INVS: variants seen among roughly 807,000 people sequenced by gnomAD.
The protein encoded by INVS is inversion of embryo turning homolog.
In INVS, 86 loss-of-function variants were observed where a neutral mutation model predicts 108.8. The observed-to-expected ratio is 0.79, with a 90% CI of 0.66 to 0.95. The LOEUF is 0.95. INVS is among the 40% of genes least tolerant of loss of function. INVS has a pLI of 0.00. For missense variants in INVS, 1,169 were observed against 1,297.4 expected, an observed-to-expected ratio of 0.90 and a Z score of 1.52; for synonymous variants, 455 against 473.5, an observed-to-expected ratio of 0.96 and a Z score of 0.51.
intron 13 of INVS, among the ~76,000 whole-genome samples, chr9:100,288,054 G>A (rs1273584120): frequency 6.6e-6 from 1 of 152,180 alleles, no homozygotes; most frequent in Non-Finnish European, 1.5e-5. Context: ...AAAAGAGGGT[G>A]GAATAGGAGG....
chr9:100,179,301 A>G (rs1388563681), intron 3 of INVS, among the ~76,000 whole-genome samples: 1 of 152,222 alleles, frequency 6.6e-6, no homozygotes, highest in Non-Finnish European at 1.5e-5. Context: ...TTAACCTTAA[A>G]TGTAAATGGT....
intron 3 of INVS, among the ~76,000 whole-genome samples, chr9:100,213,114 GA>G (rs1233877122): frequency 6.7e-6 from 1 of 150,210 alleles, no homozygotes; most frequent in Non-Finnish European, 1.5e-5. Flanking sequence ...TCCCATTTAT[GA>G]GCTCCACCCT....
At chr9:100,140,054 C>T (rs1240313089) in intron 3 of INVS, among the ~76,000 whole-genome samples, 2 of 152,162 alleles carry the variant, frequency 1.3e-5, no homozygotes, top group Non-Finnish European at 2.9e-5. Context: ...CAAGTAAAAC[C>T]ACTTATCCAT....
chr9:100,190,582 G>C (rs2118153421), intron 3 of INVS, among the ~76,000 whole-genome samples: 1 of 152,156 alleles, frequency 6.6e-6, no homozygotes, highest in South Asian at 2.1e-4. Flanking sequence ...CTCAGTATTT[G>C]CTCATCCGAA....
At position 100,264,908 on chromosome 9, in the gene INVS, G is replaced by T; in HGVS notation, c.1551G>T (p.Gln517His). ...TAGACTTTGCTGCTTTCCCTAATCAGATGGAAAACAATGAAGAGAGGTAAG... is the reference window on the plus strand; with the variant it reads ...TAGACTTTGCTGCTTTCCCTAATCATATGGAAAACAATGAAGAGAGGTAAG... ...LLLDFAAFPNQMENNEERYTP... is the reference protein window; with the variant it reads ...LLLDFAAFPNHMENNEERYTP... The change falls in exon 11 of 17, where the codon CAG (glutamine) becomes CAT (histidine). Residue 517 changes from glutamine to histidine, a missense_variant. Transcript: ENST00000262457. The T allele has an allele frequency of 6.2e-7, 1 of 1,606,174 alleles. No homozygotes were observed. The highest frequency in any genetic ancestry group is 1.1e-5 in the South Asian group (1 of 90,960).
chr9:100,185,789 T>C (rs1830040133), intron 3 of INVS, among the ~76,000 whole-genome samples: 1 of 152,042 alleles, frequency 6.6e-6, no homozygotes, highest in African/African-American at 2.4e-5. Context: ...CACTTATAAG[T>C]GAGAACATAC....
intron 3 of INVS, chr9:100,176,184 T>C: frequency 2.8e-6 from 1 of 352,478 alleles, no homozygotes; most frequent in Non-Finnish European, 5.5e-6. Flanking sequence ...TATCTTTGTT[T>C]CCTTTATGCC....
intron 3 of INVS, among the ~76,000 whole-genome samples, chr9:100,182,255 A>T (rs1433573290): frequency 6.6e-6 from 1 of 152,240 alleles, no homozygotes; most frequent in Non-Finnish European, 1.5e-5. Flanking sequence ...AAAAGCCAAA[A>T]TTGACAAGTG....
intron 11 of INVS, among the ~76,000 whole-genome samples, chr9:100,270,962 G>A (rs1034093264): frequency 1.3e-5 from 2 of 150,738 alleles, no homozygotes; most frequent in Non-Finnish European, 3.0e-5. Flanking sequence ...GCCGAAAACA[G>A]CACACCTAGA....
At chr9:100,110,383 T>C (rs1827305745) in intron 2 of INVS, among the ~76,000 whole-genome samples, 1 of 152,222 alleles carries the variant, frequency 6.6e-6, no homozygotes. Flanking sequence ...CCAAGAAGTC[T>C]GATTCCAGAG....
At chr9:100,114,775 A>G (rs910891204) in intron 2 of INVS, among the ~76,000 whole-genome samples, 1 of 152,150 alleles carries the variant, frequency 6.6e-6, no homozygotes, top group African/African-American at 2.4e-5. Flanking sequence ...TCAGTAGTTC[A>G]TTCCTTTTTA....
intron 2 of INVS, among the ~76,000 whole-genome samples, chr9:100,122,576 C>CTTTTTTTTTTTTT (rs1161036698): frequency 1.7e-5 from 1 of 57,518 alleles, no homozygotes; most frequent in Non-Finnish European, 3.1e-5. Context: ...AAGTGAGTTT[C>CTTTTTTTTTTTTT]TTTTTTTTTT....
chr9:100,278,536 A>G (rs1042757839), intron 12 of INVS, among the ~76,000 whole-genome samples: 3 of 152,164 alleles, frequency 2.0e-5, no homozygotes, highest in Non-Finnish European at 4.4e-5. Flanking sequence ...ACTGTGTGTT[A>G]TGTACCTCCA....
intron 2 of INVS, among the ~76,000 whole-genome samples, chr9:100,108,062 A>G (rs1285701410): frequency 6.6e-6 from 1 of 152,214 alleles, no homozygotes; most frequent in Non-Finnish European, 1.5e-5. Flanking sequence ...GTCAGGACGT[A>G]TGAAGAAAAA....
At chr9:100,159,501 C>G (rs1276505587) in intron 3 of INVS, among the ~76,000 whole-genome samples, 1 of 152,158 alleles carries the variant, frequency 6.6e-6, no homozygotes, top group South Asian at 2.1e-4. Context: ...CAGGTAGACA[C>G]AAAGCTATTC....
intron 1 of INVS, chr9:100,101,668 C>A (rs898095650): frequency 6.6e-6 from 1 of 152,250 alleles, no homozygotes; most frequent in East Asian, 1.9e-4. Flanking sequence ...AGACAAATAC[C>A]AGCTCATCCG....
chr9:100,112,062 T>G (rs2118844602), intron 2 of INVS, among the ~76,000 whole-genome samples: 1 of 152,164 alleles, frequency 6.6e-6, no homozygotes, highest in East Asian at 1.9e-4. Context: ...ATCTCTGCCT[T>G]CCGGGTTCAA....
At chr9:100,132,465 A>G (rs1828082619) in intron 3 of INVS, among the ~76,000 whole-genome samples, 1 of 152,196 alleles carries the variant, frequency 6.6e-6, no homozygotes, top group African/African-American at 2.4e-5. Context: ...TTCTTCATCT[A>G]TAAAATGGAA....
intron 3 of INVS, among the ~76,000 whole-genome samples, chr9:100,192,124 G>A (rs1830239890): frequency 6.6e-6 from 1 of 152,044 alleles, no homozygotes; most frequent in Admixed American, 6.6e-5. Context: ...CAGTTTTCCT[G>A]TTAAGTTCCT....
Sources: allele counts gnomAD v4.1 joint callset (sites outside exome capture counted in the v4.1 genomes callset), GRCh38; gene constraint gnomAD v4.1.1; transcripts MANE v1.5; gene names NCBI Gene and HGNC (gene_info 2026-07-23, HGNC 2026-07-21).